The following RBL2 variants were observed in gnomAD, a reference collection of about 807,000 sequenced individuals.
RBL2 encodes the protein RB transcriptional corepressor like 2, also known as retinoblastoma-like protein 2.
RBL2 carries 56 observed loss-of-function variants against 126.0 expected under a neutral mutation model. The observed-to-expected ratio is 0.44, with a 90% confidence interval of 0.36 to 0.56. RBL2 has a LOEUF of 0.56. Ranked by LOEUF, RBL2 falls within the 20% of genes least tolerant of loss-of-function variation. The pLI is 0.00. For synonymous variants in RBL2, 454 were observed against 478.5 expected (o/e 0.95, Z 0.67); for missense variants, 1,229 against 1,398.2 (o/e 0.88, Z 1.93).
rs139520629 is a variant in RBL2 at position 53,439,070 on chromosome 16, G to C, written c.295G>C (p.Val99Leu). 6.2e-7 allele frequency: 1 copy of C among 1,608,446 alleles called. No homozygotes were observed. Among genetic ancestry groups the C allele is most frequent in the African/African-American group, 1.3e-5 (1 of 74,664 alleles). Residue 99 changes from valine to leucine, a missense_variant, in exon 2 of 22, where the codon GTT becomes CTT. Around this residue, in one of 2 missense-constraint regions of RBL2, gnomAD observed 1,070 missense variants for 1,274.3 expected, o/e 0.84. Transcript: ENST00000262133. ...CALYVACRKS[V>L]PTVSKGTVEG... ...CTTATATGTGGCTTGCAGAAAATCT[G>C]TTCCAACTGTAAGCAAAGGGACAGT... is the stretch of plus-strand genomic sequence containing the variant.
At chr16:53,449,954 C>G (rs2058098925) in intron 4 of RBL2, among the ~76,000 whole-genome samples, 1 of 138,328 alleles carries the variant, frequency 7.2e-6, no homozygotes, top group Admixed American at 7.4e-5. Flanking sequence ...TGTTACAGTA[C>G]TGCCTTTTTT....
At chr16:53,449,782 TTTAC>T (rs1854659600) in intron 4 of RBL2, among the ~76,000 whole-genome samples, 1 of 152,106 alleles carries the variant, frequency 6.6e-6, no homozygotes. Flanking sequence ...AACATTTCTA[TTTAC>T]TTGTTATCTT....
At chr16:53,449,305 C>T (rs1223793176) in intron 4 of RBL2, 1 of 152,010 alleles carries the variant, frequency 6.6e-6, no homozygotes, top group Non-Finnish European at 1.5e-5. Flanking sequence ...ATAATATGTA[C>T]AATACAATAA....
intron 1 of RBL2, chr16:53,435,816 T>G: frequency 8.5e-7 from 1 of 1,171,906 alleles, no homozygotes; most frequent in South Asian, 1.3e-5. Flanking sequence ...GTATTTGCAT[T>G]AATAGAATTT....
chr16:53,452,872 G>A (rs570329747), intron 5 of RBL2, among the ~76,000 whole-genome samples: 2 of 152,164 alleles, frequency 1.3e-5, no homozygotes, highest in South Asian at 2.1e-4. Flanking sequence ...GTTTCGCCAT[G>A]TTTCCTGGGC....
chr16:53,470,844 C>T lies in RBL2; in HGVS notation c.2625C>T (p.Ser875=). ...AAATCTGGACCTGCTTTGAATTCTCCATAATTCAGTGTCCTGAACTTATGA... is the reference window on the plus strand; with the variant it reads ...AAATCTGGACCTGCTTTGAATTCTCTATAATTCAGTGTCCTGAACTTATGA... ...RKKIWTCFEF[S]IIQCPELMMD... is the part of the protein sequence containing the mutation. The change falls in exon 17 of 22, where the codon TCC becomes TCT. Residue 875 remains serine, a synonymous_variant. Coordinates refer to ENST00000262133, the MANE Select transcript of RBL2 (RefSeq NM_005611.4). 6.2e-7 allele frequency: 1 copy of T among 1,613,944 alleles called. No homozygotes were observed. Among genetic ancestry groups the T allele is most frequent in the Non-Finnish European group, 8.5e-7 (1 of 1,179,850 alleles).
chr16:53,448,168 T>G (rs1004152122), intron 4 of RBL2, among the ~76,000 whole-genome samples: 3 of 151,932 alleles, frequency 2.0e-5, no homozygotes, highest in Admixed American at 6.6e-5. Context: ...TTATTTTATT[T>G]TTTTTTTGAG....
chr16:53,453,166 T>G (rs1435389573), intron 5 of RBL2, among the ~76,000 whole-genome samples: 1 of 152,184 alleles, frequency 6.6e-6, no homozygotes, highest in African/African-American at 2.4e-5. Context: ...TTTTTAGATC[T>G]TAGTATCCTA....
At chr16:53,455,398 A>C (rs1360004223) in intron 8 of RBL2, among the ~76,000 whole-genome samples, 2 of 152,218 alleles carry the variant, frequency 1.3e-5, no homozygotes, top group Non-Finnish European at 2.9e-5. Flanking sequence ...GGGCCAGTTC[A>C]CCTGGAAGTG....
chr16:53,479,094 T>A lies in RBL2; in HGVS notation c.2704-60T>A, dbSNP rs141599693. 1.4e-4 allele frequency: 182 copies of A among 1,339,316 alleles called. 2 individuals are homozygous for A. The African/African-American group carries it at 2.1e-3, about 15-fold the overall frequency. The allele number at this position is 1,339,316 out of a possible 1,614,324, so 83.0% of individuals were successfully genotyped here. A position where few individuals can be genotyped will look rare whatever the true frequency, so the allele number is the denominator to read the frequency against. On this transcript the variant is annotated intron_variant, in intron 17 of 21. Transcript: ENST00000262133. The stretch of plus-strand genomic sequence containing the variant: ...TTACTGGGCAGCAGGTTCACAGAGC[T>A]CCTCACACTATTATGGTGGTAGTTG...
At chr16:53,444,270 AAGG>A (rs898704216) in intron 3 of RBL2, among the ~76,000 whole-genome samples, 13 of 147,354 alleles carry the variant, frequency 8.8e-5, no homozygotes, top group Admixed American at 5.5e-4. Context: ...AAACAAATAA[AAGG>A]AGGTATTCTG....
At chr16:53,454,255 A>G in intron 7 of RBL2, 1 of 452,052 alleles carries the variant, frequency 2.2e-6, no homozygotes, top group Non-Finnish European at 4.4e-6. Flanking sequence ...CCCAGGCTGG[A>G]ATGCAGTGGC....
intron 21 of RBL2, among the ~76,000 whole-genome samples, chr16:53,484,853 G>A (rs1055300706): frequency 6.6e-6 from 1 of 152,180 alleles, no homozygotes; most frequent in African/African-American, 2.4e-5. Flanking sequence ...AATAAAGCTG[G>A]AAGGGTGGAA....
At chr16:53,436,252 A>G (rs1018309388) in intron 1 of RBL2, among the ~76,000 whole-genome samples, 1 of 152,204 alleles carries the variant, frequency 6.6e-6, no homozygotes, top group Non-Finnish European at 1.5e-5. Context: ...CCTGTAAATC[A>G]GATAGAACAA....
chr16:53,441,445 T>C (rs1355765683), intron 2 of RBL2, among the ~76,000 whole-genome samples: 1 of 152,240 alleles, frequency 6.6e-6, no homozygotes, highest in Non-Finnish European at 1.5e-5. Flanking sequence ...TGTTTTGTTA[T>C]CATGGAATAT....
intron 8 of RBL2, among the ~76,000 whole-genome samples, chr16:53,456,130 C>T (rs925786588): frequency 5.9e-5 from 9 of 151,874 alleles, no homozygotes; most frequent in Non-Finnish European, 1.0e-4. Flanking sequence ...GAGCCGTGAT[C>T]GCGTCACTGC....
intron 2 of RBL2, 98 bp downstream of exon 2, chr16:53,439,244 T>C: frequency 1.7e-6 from 2 of 1,158,592 alleles, no homozygotes; most frequent in Non-Finnish European, 2.3e-6. Context: ...TTTCTGAGCA[T>C]TTGTACCTGT....
rs188361143 is a variant in RBL2 at position 53,446,873 on chromosome 16, C to T, written c.573-169C>T. On this transcript the variant is annotated intron_variant, in intron 3 of 21. Transcript: ENST00000262133. ...CTCTTTCCCTGGATCCCAGCTATTTCCTACCAATATTTTGTTAAGGCAGAA... is the reference window on the plus strand; with the variant it reads ...CTCTTTCCCTGGATCCCAGCTATTTTCTACCAATATTTTGTTAAGGCAGAA... 1.8e-3 allele frequency among the ~76,000 whole-genome samples: 271 copies of T among 152,308 alleles called. 2 individuals are homozygous for T. The highest frequency in any genetic ancestry group is 3.4e-3 in the Non-Finnish European group (229 of 68,010).
At position 53,453,736 on chromosome 16, in the gene RBL2, G is replaced by C. The variant is rs1264137716; in HGVS notation, c.959G>C (p.Gly320Ala). ...LLKGKEENLTGFLEPGNFGES... is the reference protein window; with the variant it reads ...LLKGKEENLTAFLEPGNFGES... ...AAGGGAAAAGAAGAAAATCTCACTG[G>C]GTTTCTAGAACCTGGGAACTTTGGA... Residue 320 changes from glycine to alanine, a missense_variant, in exon 7 of 22, where the codon GGG (glycine) becomes GCG (alanine). Physicochemically the swap from Gly to Ala is moderately conservative, Grantham distance 60. Transcript: ENST00000262133. 1 of 1,611,098 alleles carries C rather than the reference G, an allele frequency of 6.2e-7. No homozygotes were observed. The highest frequency in any genetic ancestry group is 1.3e-5 in the African/African-American group (1 of 74,848).
Sources: gnomAD v4.1 joint callset for allele counts (sites outside exome capture counted in the v4.1 genomes callset) on GRCh38, gnomAD v4.1.1 for gene constraint, gnomAD v4.1.1 regional missense constraint, MANE v1.5 for transcripts, NCBI Gene and HGNC (gene_info 2026-07-23, HGNC 2026-07-21) for gene names.